BAZ2B: variants seen among roughly 807,000 people sequenced by gnomAD.
BAZ2B encodes the protein bromodomain adjacent to zinc finger domain 2B, also known as bromodomain adjacent to zinc finger domain protein 2B.
Under a neutral mutation model 246.0 loss-of-function variants are expected in BAZ2B, and 91 were observed. That is an observed-to-expected ratio of 0.37 (90% CI 0.31 to 0.44). BAZ2B has a LOEUF of 0.44. BAZ2B is among the 20% of genes least tolerant of loss of function. The probability of loss-of-function intolerance (pLI) is 1.00; values close to 1 mark genes in which losing one functional copy is unlikely to be tolerated. For synonymous variants in BAZ2B, 855 were observed against 860.0 expected, an observed-to-expected ratio of 0.99 and a Z score of 0.10; for missense variants, 2,332 against 2,533.7, an observed-to-expected ratio of 0.92 and a Z score of 1.71.
chr2:159,346,841 C>T (rs1372952181), intron 31 of BAZ2B, among the ~76,000 whole-genome samples: 1 of 152,104 alleles, frequency 6.6e-6, no homozygotes, highest in Non-Finnish European at 1.5e-5. Flanking sequence ...TGTTTGTCCA[C>T]TGGAAACCAG....
At chr2:159,681,702 G>A in the BAZ2B span, among the ~76,000 whole-genome samples, 1 of 152,110 alleles carries the variant, frequency 6.6e-6, no homozygotes, top group Admixed American at 6.5e-5. Context: ...AGGCCGAGGT[G>A]GGCTGATCAC....
the BAZ2B span, among the ~76,000 whole-genome samples, chr2:159,708,138 A>T: frequency 0.018 from 2,798 of 152,116 alleles, 42 homozygotes; most frequent in Middle Eastern, 0.034. Flanking sequence ...AAAAATTTAA[A>T]AACAACTAGC....
At position 159,383,695 on chromosome 2, in the gene BAZ2B, AT is replaced by A. The variant is rs1219362635; in HGVS notation, c.3687-16del. ...TGTCGATTTCACTGCCAATGCAAGA[AT>A]TTATTAAAAAGTGTAAATTAATCAA... is the stretch of plus-strand genomic sequence containing the variant. On this transcript the variant is annotated splice_polypyrimidine_tract_variant and intron_variant, in intron 23 of 36. Coordinates refer to ENST00000392783, the MANE Select transcript of BAZ2B (RefSeq NM_013450.4). The A allele has an allele frequency of 3.1e-6, 5 of 1,600,230 alleles. No homozygotes were observed. In the East Asian group the frequency reaches 9.0e-5, roughly 29 times the overall value.
At chr2:159,441,403 G>C (rs2073358923) in intron 6 of BAZ2B, among the ~76,000 whole-genome samples, 1 of 152,072 alleles carries the variant, frequency 6.6e-6, no homozygotes, top group African/African-American at 2.4e-5. Flanking sequence ...TCTGATGCAG[G>C]GAGTCTCTGC....
the BAZ2B span, chr2:159,689,124 TA>T: frequency 3.4e-6 from 1 of 296,692 alleles, no homozygotes; most frequent in African/African-American, 2.3e-5. Context: ...ACTAGAATTC[TA>T]TTCTACATCA....
At chr2:159,618,426 C>T (rs1425044), upstream of BAZ2B, among the ~76,000 whole-genome samples, 71,568 of 151,816 alleles carry the variant, frequency 0.47, 17,336 homozygotes, top group East Asian at 0.6. Context: ...ACTCGGAGGC[C>T]AAGCTCTGTA....
Position 159,347,670 on chromosome 2 carries a change from T to C in BAZ2B, c.5294-24A>G, listed in dbSNP as rs776742997. On this transcript the variant is annotated intron_variant, in intron 30 of 36. Coordinates refer to ENST00000392783, the MANE Select transcript of BAZ2B (RefSeq NM_013450.4). ...AACTACATTTAAAAAGAAATTAATT[T>C]AAAAATCCACTTATTAAGCTTTTCC... is the stretch of plus-strand genomic sequence containing the variant. 7.1e-6 allele frequency: 11 copies of C among 1,554,510 alleles called. No homozygotes were observed. In the South Asian group the frequency reaches 9.2e-5, roughly 13 times the overall value.
At chr2:159,426,706 T>A (rs1202255929) in intron 13 of BAZ2B, among the ~76,000 whole-genome samples, 1 of 152,174 alleles carries the variant, frequency 6.6e-6, no homozygotes. Flanking sequence ...TTACATGATG[T>A]ATGCAAAAGA....
intron 8 of BAZ2B, chr2:159,437,740 A>T (rs1464009398): frequency 6.6e-6 from 1 of 152,488 alleles, no homozygotes; most frequent in Non-Finnish European, 1.5e-5. Context: ...AACATGGTGA[A>T]ACCCCATCTT....
intron 2 of BAZ2B, among the ~76,000 whole-genome samples, chr2:159,542,097 A>T (rs1206415154): frequency 6.6e-6 from 1 of 152,220 alleles, no homozygotes; most frequent in Non-Finnish European, 1.5e-5. Flanking sequence ...AGAACCAGTA[A>T]ACTTGAAGAT....
chr2:159,604,285 T>G (rs941115538), intron 1 of BAZ2B, among the ~76,000 whole-genome samples: 4 of 152,112 alleles, frequency 2.6e-5, no homozygotes, highest in African/African-American at 9.7e-5. Context: ...TTTTATTTTA[T>G]TTTTAGAGGT....
intron 14 of BAZ2B, among the ~76,000 whole-genome samples, chr2:159,408,002 G>A (rs1283771247): frequency 3.3e-5 from 5 of 152,146 alleles, no homozygotes; most frequent in African/African-American, 1.2e-4. Context: ...ATGTAAAGAT[G>A]TGCTGATAAA....
At position 159,428,053 on chromosome 2, in the gene BAZ2B, C is replaced by T; in HGVS notation, c.2365-11G>A. 3 of 1,607,704 alleles carry T rather than the reference C, an allele frequency of 1.9e-6. No individual in the cohort carries two copies. Among genetic ancestry groups the T allele is most frequent in the Non-Finnish European group, 2.6e-6 (3 of 1,174,626 alleles). ...ATTTCTGCTGAGATACTGAAAAAAT[C>T]ACATATTTTTCCACTTCAGGTTTTA... is the stretch of plus-strand genomic sequence containing the variant. On this transcript the variant is annotated splice_polypyrimidine_tract_variant and intron_variant, in intron 12 of 36. Coordinates refer to ENST00000392783, the MANE Select transcript of BAZ2B (RefSeq NM_013450.4).
At chr2:159,484,647 T>C (rs540815873) in intron 2 of BAZ2B, among the ~76,000 whole-genome samples, 3 of 152,344 alleles carry the variant, frequency 2.0e-5, no homozygotes, top group East Asian at 3.9e-4. Flanking sequence ...AGTTTATGTA[T>C]CTCAAGTATT....
intron 2 of BAZ2B, among the ~76,000 whole-genome samples, chr2:159,526,077 A>C (rs2084697542): frequency 6.6e-6 from 1 of 152,194 alleles, no homozygotes. Flanking sequence ...TAAATATAAA[A>C]GTTATTCATA....
intron 1 of BAZ2B, among the ~76,000 whole-genome samples, chr2:159,603,696 C>T (rs1360619787): frequency 1.3e-5 from 2 of 151,706 alleles, no homozygotes; most frequent in East Asian, 3.9e-4. Context: ...AACCCCAAAA[C>T]TATTTAAACA....
intron 8 of BAZ2B, chr2:159,435,249 C>T (rs9798178): frequency 0.32 from 49,212 of 151,658 alleles, 9,817 homozygotes; most frequent in Non-Finnish European, 0.46. Flanking sequence ...TGCAGTGGCA[C>T]GATCTTGGCT....
intron 2 of BAZ2B, among the ~76,000 whole-genome samples, chr2:159,519,236 T>TTTTTTTTTTTTTA (rs1553692833): frequency 5.7e-5 from 4 of 70,614 alleles, no homozygotes; most frequent in Non-Finnish European, 1.1e-4. Flanking sequence ...TTTTTTTTTT[T>TTTTTTTTTTTTTA]TTTTGAGACG....
the BAZ2B span, chr2:159,712,174 C>T: frequency 6.6e-6 from 1 of 152,036 alleles, no homozygotes; most frequent in African/African-American, 2.4e-5. Flanking sequence ...GGGCGGGGAC[C>T]CGGCGCCCGG....
Sources: allele counts gnomAD v4.1 joint callset (sites outside exome capture counted in the v4.1 genomes callset), GRCh38; gene constraint gnomAD v4.1.1; transcripts MANE v1.5; gene names NCBI Gene and HGNC (gene_info 2026-07-23, HGNC 2026-07-21).